The following FGFR2 variants were observed in gnomAD, a reference collection of about 807,000 sequenced individuals.
FGFR2 encodes the protein BEK fibroblast growth factor receptor.
FGFR2 carries 19 observed loss-of-function variants against 95.9 expected under a neutral mutation model. The ratio of observed to expected loss-of-function variants is 0.20; its 90% CI spans 0.14 to 0.29. The LOEUF is 0.29. FGFR2 is among the 10% of genes least tolerant of loss of function. The pLI, the probability that FGFR2 is intolerant of heterozygous loss-of-function variation, is 1.00. For missense variants in FGFR2, 707 were observed against 1,056.9 expected (o/e 0.67, Z 4.59); for synonymous variants, 392 against 393.3 (o/e 1.00, Z 0.04).
At chr10:121,548,231 C>G (rs930214150) in intron 5 of FGFR2, among the ~76,000 whole-genome samples, 1 of 109,242 alleles carries the variant, frequency 9.2e-6, no homozygotes, top group African/African-American at 3.0e-5. Flanking sequence ...GTGTGGCCCT[C>G]TGCCGCTTTT....
At position 121,485,197 on chromosome 10, in the gene FGFR2, T is replaced by C. The variant is rs1845251666; in HGVS notation, c.2195+198A>G. Among the ~76,000 whole-genome samples, 1 of 152,044 alleles carries C rather than the reference T, an allele frequency of 6.6e-6. No individual in the cohort carries two copies. Among genetic ancestry groups the C allele is most frequent in the Non-Finnish European group, 1.5e-5 (1 of 67,998 alleles). ...AAAGCCCTCTCCATACTCAGAATAA[T>C]GTTCTTTCTCTCAGACAAGTAATGG... On this transcript the variant is annotated intron_variant, in intron 16 of 17. Coordinates refer to ENST00000358487, the MANE Select transcript of FGFR2 (RefSeq NM_000141.5). This position sits in a 1 kb window ranked among gnomAD's most constrained non-coding sequence, Gnocchi z 4.2.
chr10:121,500,748 T>C lies in FGFR2; in HGVS notation c.1561+78A>G, dbSNP rs565983320. On this transcript the variant is annotated intron_variant, in intron 11 of 17. Transcript: ENST00000358487. ...TCTCTGACCCCGTGCCATGATAGAG[T>C]TCACATGCCACAAAAGGAACTTTCT... 5.1e-5 allele frequency: 81 copies of C among 1,588,568 alleles called. No individual in the cohort carries two copies. The South Asian group carries it at 8.7e-4, about 17-fold the overall frequency.
intron 4 of FGFR2, among the ~76,000 whole-genome samples, chr10:121,560,802 G>T (rs1210019931): frequency 3.9e-5 from 6 of 152,050 alleles, no homozygotes; most frequent in African/African-American, 1.4e-4. Flanking sequence ...ATTCAGGGCA[G>T]ACCTCCACGT....
intron 5 of FGFR2, among the ~76,000 whole-genome samples, chr10:121,542,554 T>G (rs1339490273): frequency 6.6e-6 from 1 of 152,230 alleles, no homozygotes; most frequent in Admixed American, 6.5e-5. Flanking sequence ...TGGCCAAATC[T>G]TTGTGGAATT....
intron 11 of FGFR2, among the ~76,000 whole-genome samples, chr10:121,499,690 C>T (rs576599010): frequency 2.1e-4 from 32 of 152,368 alleles, no homozygotes; most frequent in Non-Finnish European, 4.0e-4. Context: ...GATGAGAAGC[C>T]TGGGTCCTCC....
At chr10:121,563,123 C>G (rs1314456465) in intron 4 of FGFR2, among the ~76,000 whole-genome samples, 1 of 152,192 alleles carries the variant, frequency 6.6e-6, no homozygotes, top group Non-Finnish European at 1.5e-5. Flanking sequence ...CGCCTGTAGT[C>G]TCAGCACTTT....
At position 121,503,828 on chromosome 10, in the gene FGFR2, T is replaced by C. The variant is rs2134055580; in HGVS notation, c.1401A>G (p.Glu467=). Residue 467 remains glutamate, a synonymous_variant, in exon 10 of 18, where the codon GAA becomes GAG. Coordinates refer to ENST00000358487, the MANE Select transcript of FGFR2 (RefSeq NM_000141.5). ...ACTCCCATTTTGGGTCCTCTGGAAG[T>C]TCATACTCGGAGACCCCTGCCAGCA... ...TPMLAGVSEY[E]LPEDPKWEFP... The C allele has an allele frequency of 1.2e-6, 2 of 1,614,138 alleles. No homozygotes were observed. The highest frequency in any genetic ancestry group is 1.7e-6 in the Non-Finnish European group (2 of 1,180,020).
intron 8 of FGFR2, 57 bp from the exon 9 acceptor site, chr10:121,515,376 C>A (rs2134233916): frequency 6.6e-7 from 1 of 1,513,398 alleles, no homozygotes; most frequent in Non-Finnish European, 9.2e-7. Context: ...GTTAGCACAC[C>A]AGACTGACGC....
At chr10:121,562,196 T>G (rs189847899) in intron 4 of FGFR2, among the ~76,000 whole-genome samples, 11 of 152,256 alleles carry the variant, frequency 7.2e-5, no homozygotes, top group Middle Eastern at 3.4e-3. Flanking sequence ...CCCAAAGTAA[T>G]TGAAAACTAT....
intron 2 of FGFR2, among the ~76,000 whole-genome samples, chr10:121,585,657 C>A (rs2135406659): frequency 6.6e-6 from 1 of 152,310 alleles, no homozygotes; most frequent in Non-Finnish European, 1.5e-5. Flanking sequence ...TAGTTTATGT[C>A]TCCAGAAAGC....
At chr10:121,550,172 T>A (rs1855157459) in intron 5 of FGFR2, among the ~76,000 whole-genome samples, 1 of 152,228 alleles carries the variant, frequency 6.6e-6, no homozygotes, top group South Asian at 2.1e-4. Context: ...TTTCTCCTTA[T>A]TCTTCCAAAC....
chr10:121,491,185 A>C (rs1846081131), intron 13 of FGFR2, among the ~76,000 whole-genome samples: 1 of 152,150 alleles, frequency 6.6e-6, no homozygotes. Context: ...CCATCTTCTC[A>C]GCGAAAGCCA....
intron 4 of FGFR2, among the ~76,000 whole-genome samples, chr10:121,559,082 T>C (rs1193083673): frequency 1.3e-5 from 1 of 78,674 alleles, no homozygotes; most frequent in Non-Finnish European, 2.4e-5. Flanking sequence ...GATACAGAAC[T>C]AAATTTTCAA....
intron 2 of FGFR2, among the ~76,000 whole-genome samples, chr10:121,589,277 C>T (rs915765869): frequency 6.6e-6 from 1 of 152,290 alleles, no homozygotes; most frequent in Middle Eastern, 3.4e-3. Context: ...AAACAAACAC[C>T]TAAACAACAG....
At chr10:121,533,464 A>G (rs192489692) in intron 6 of FGFR2, among the ~76,000 whole-genome samples, 1 of 152,192 alleles carries the variant, frequency 6.6e-6, no homozygotes, top group East Asian at 1.9e-4. Flanking sequence ...CTTCCACTGT[A>G]CTTTGCCCCC....
chr10:121,534,521 G>A lies in FGFR2; in HGVS notation c.748+4071C>T, dbSNP rs1403273436. 4.6e-5 allele frequency among the ~76,000 whole-genome samples: 7 copies of A among 151,932 alleles called. No individual in the cohort carries two copies. The East Asian group carries it at 7.8e-4, about 17-fold the overall frequency. On this transcript the variant is annotated intron_variant, in intron 6 of 17. Coordinates refer to ENST00000358487, the MANE Select transcript of FGFR2 (RefSeq NM_000141.5). ...AGCAATTCTCCTACCTCAGCTTCCC[G>A]AGTAGCTGGGATTGCAGGCGCCCAC...
intron 9 of FGFR2, among the ~76,000 whole-genome samples, chr10:121,513,413 CAG>C (rs752228806): frequency 2.6e-5 from 4 of 152,086 alleles, no homozygotes; most frequent in Non-Finnish European, 5.9e-5. Flanking sequence ...GTGGCTGAGT[CAG>C]GGGGATTTTA....
intron 2 of FGFR2, among the ~76,000 whole-genome samples, chr10:121,589,042 A>C (rs1379333964): frequency 1.3e-5 from 2 of 152,266 alleles, no homozygotes; most frequent in Non-Finnish European, 2.9e-5. Context: ...AATAGCCTAA[A>C]AAACTTCCAA....
At chr10:121,573,048 A>G (rs1859090724) in intron 2 of FGFR2, among the ~76,000 whole-genome samples, 1 of 152,250 alleles carries the variant, frequency 6.6e-6, no homozygotes, top group African/African-American at 2.4e-5. Flanking sequence ...TTGAAACAGC[A>G]AAAGGGTTTG....
Sources: gnomAD v4.1 joint callset for allele counts (sites outside exome capture counted in the v4.1 genomes callset) on GRCh38, gnomAD v4.1.1 for gene constraint, Gnocchi (gnomAD v3.1) non-coding constraint, MANE v1.5 for transcripts, NCBI Gene and HGNC (gene_info 2026-07-23, HGNC 2026-07-21) for gene names.